The following MRPL3 variants were observed in gnomAD, a reference collection of about 807,000 sequenced individuals.
The protein encoded by MRPL3 is mitochondrial ribosomal protein L3, also known as large ribosomal subunit protein uL3m.
In MRPL3, 43 loss-of-function variants were observed where a neutral mutation model predicts 44.3. That is an observed-to-expected ratio of 0.97 (90% CI 0.76 to 1.25). MRPL3 has a LOEUF of 1.25. Among genes scored for constraint, MRPL3 ranks in the 50% most tolerant of loss-of-function variants. The pLI, the probability that MRPL3 is intolerant of heterozygous loss-of-function variation, is 0.00. For missense variants in MRPL3, 406 were observed against 427.6 expected (o/e 0.95, Z 0.45); for synonymous variants, 171 against 152.3 (o/e 1.12, Z -0.91).
intron 1 of MRPL3, among the ~76,000 whole-genome samples, chr3:131,502,451 TAGC>T (rs1302624845): frequency 1.3e-5 from 2 of 152,218 alleles, no homozygotes; most frequent in Non-Finnish European, 2.9e-5. Flanking sequence ...CTAATACACT[TAGC>T]AGAGCGCTTA....
intron 9 of MRPL3, among the ~76,000 whole-genome samples, chr3:131,467,345 G>A (rs1933635607): frequency 6.6e-6 from 1 of 151,998 alleles, no homozygotes; most frequent in Non-Finnish European, 1.5e-5. Context: ...CTTTTGGAAG[G>A]ACAGAGATAT....
chr3:131,473,309 AAC>A (rs1933781395), intron 6 of MRPL3, among the ~76,000 whole-genome samples: 1 of 152,202 alleles, frequency 6.6e-6, no homozygotes, highest in African/African-American at 2.4e-5. Context: ...ACACTGGGGA[AAC>A]ACAGTCTCTT....
rs1184583286 is a variant in MRPL3 at position 131,462,884 on chromosome 3, A to C, written c.895-9T>G. 1.2e-6 allele frequency: 2 copies of C among 1,602,346 alleles called. No homozygotes were observed. The highest frequency in any genetic ancestry group is 1.7e-6 in the Non-Finnish European group (2 of 1,173,098). ...AGTTTAGAATCTTTGACCTGAGAGA[A>C]GGCAAAAATCTTAGTGAAACCAATT... On this transcript the variant is annotated splice_polypyrimidine_tract_variant and intron_variant, in intron 9 of 9. Transcript: ENST00000264995.
chr3:131,495,198 G>GT (rs896160521), intron 4 of MRPL3, among the ~76,000 whole-genome samples: 1 of 151,948 alleles, frequency 6.6e-6, no homozygotes, highest in Non-Finnish European at 1.5e-5. Flanking sequence ...ATAGGTCTTC[G>GT]TTTTTTAAAA....
At chr3:131,482,139 G>A (rs916511222) in intron 6 of MRPL3, among the ~76,000 whole-genome samples, 2 of 152,168 alleles carry the variant, frequency 1.3e-5, no homozygotes, top group Non-Finnish European at 2.9e-5. Context: ...TTTGGTATTT[G>A]AATGAAAGGA....
At chr3:131,491,392 G>A (rs917061371) in intron 4 of MRPL3, among the ~76,000 whole-genome samples, 1 of 152,144 alleles carries the variant, frequency 6.6e-6, no homozygotes, top group Admixed American at 6.5e-5. Flanking sequence ...TCTCATATAT[G>A]TGAATGTCTG....
At chr3:131,476,704 A>T (rs1933860129) in intron 6 of MRPL3, among the ~76,000 whole-genome samples, 1 of 152,220 alleles carries the variant, frequency 6.6e-6, no homozygotes, top group Non-Finnish European at 1.5e-5. Flanking sequence ...ATTCAGATGT[A>T]TCATTTAATC....
chr3:131,498,765 A>G (rs1934429634), intron 3 of MRPL3, among the ~76,000 whole-genome samples: 1 of 151,980 alleles, frequency 6.6e-6, no homozygotes, highest in Non-Finnish European at 1.5e-5. Flanking sequence ...CAAAATGAGT[A>G]TAAACAAAAT....
At chr3:131,474,738 A>C (rs1933816858) in intron 6 of MRPL3, among the ~76,000 whole-genome samples, 1 of 151,874 alleles carries the variant, frequency 6.6e-6, no homozygotes, top group Admixed American at 6.6e-5. Flanking sequence ...GACTGGAAAA[A>C]ATTCTCAGAC....
At chr3:131,493,166 A>G (rs1934295471) in intron 4 of MRPL3, among the ~76,000 whole-genome samples, 1 of 152,052 alleles carries the variant, frequency 6.6e-6, no homozygotes, top group Non-Finnish European at 1.5e-5. Flanking sequence ...CACTCTCTTC[A>G]TCTGTGATCT....
intron 6 of MRPL3, among the ~76,000 whole-genome samples, chr3:131,477,632 T>G (rs1933884373): frequency 6.6e-6 from 1 of 152,180 alleles, no homozygotes; most frequent in Non-Finnish European, 1.5e-5. Flanking sequence ...CATCTGTTCC[T>G]CTCCTCTGAC....
chr3:131,469,845 T>A, intron 7 of MRPL3, 72 bp from the exon 8 acceptor site: 1 of 910,204 alleles, frequency 1.1e-6, no homozygotes, highest in Non-Finnish European at 1.7e-6. Context: ...AACCACAATG[T>A]AAACTAAAAA....
chr3:131,481,411 G>C (rs945188450), intron 6 of MRPL3, among the ~76,000 whole-genome samples: 19 of 152,162 alleles, frequency 1.2e-4, no homozygotes, highest in Admixed American at 1.2e-3. Context: ...GCCAGGCCTT[G>C]AGCTAAGAGC....
chr3:131,468,523 A>G (rs1191556402), intron 8 of MRPL3, among the ~76,000 whole-genome samples: 1 of 152,096 alleles, frequency 6.6e-6, no homozygotes, highest in Admixed American at 6.6e-5. Flanking sequence ...TAGAGGCTGG[A>G]GAAGCCACAA....
chr3:131,483,150 A>G (rs1413076035), intron 6 of MRPL3, among the ~76,000 whole-genome samples: 1 of 152,176 alleles, frequency 6.6e-6, no homozygotes, highest in Non-Finnish European at 1.5e-5. Context: ...GACTGAAAGA[A>G]TGGGAAAATG....
At chr3:131,499,063 G>C (rs565721691) in intron 3 of MRPL3, among the ~76,000 whole-genome samples, 2 of 152,264 alleles carry the variant, frequency 1.3e-5, no homozygotes, top group South Asian at 4.1e-4. Context: ...GACATTTATG[G>C]TAACTATTTA....
At chr3:131,483,234 T>C (rs1934035956) in intron 6 of MRPL3, among the ~76,000 whole-genome samples, 1 of 152,104 alleles carries the variant, frequency 6.6e-6, no homozygotes, top group Non-Finnish European at 1.5e-5. Context: ...AACATAAACC[T>C]TAAAAATGTA....
intron 4 of MRPL3, among the ~76,000 whole-genome samples, chr3:131,492,475 C>G (rs1490026893): frequency 2.0e-5 from 3 of 152,146 alleles, no homozygotes; most frequent in Admixed American, 6.5e-5. Flanking sequence ...CTCAGATTAT[C>G]AGGCATTAGA....
intron 6 of MRPL3, chr3:131,487,216 C>G (rs374712405): frequency 1.3e-5 from 2 of 155,934 alleles, no homozygotes; most frequent in Non-Finnish European, 2.8e-5. Context: ...AACCAAACAC[C>G]GCATGTTCTC....
Sources: allele counts gnomAD v4.1 joint callset (sites outside exome capture counted in the v4.1 genomes callset), GRCh38; gene constraint gnomAD v4.1.1; transcripts MANE v1.5; gene names NCBI Gene and HGNC (gene_info 2026-07-23, HGNC 2026-07-21).